GDPD4: variants seen among roughly 807,000 people sequenced by gnomAD.
The protein encoded by GDPD4 is glycerophosphodiester phosphodiesterase 6.
Under a neutral mutation model 67.8 loss-of-function variants are expected in GDPD4, and 60 were observed. The observed-to-expected ratio is 0.88, with a 90% CI of 0.72 to 1.10. The LOEUF (loss-of-function observed/expected upper bound fraction) is 1.10. Ranked by LOEUF, GDPD4 falls within the 50% of genes least tolerant of loss-of-function variation. The probability of loss-of-function intolerance (pLI) is 0.00; values close to 1 mark genes in which losing one functional copy is unlikely to be tolerated. For missense variants in GDPD4, 623 were observed against 613.9 expected (o/e 1.01, Z -0.16); for synonymous variants, 212 against 210.9 (o/e 1.00, Z -0.04).
intron 14 of GDPD4, among the ~76,000 whole-genome samples, chr11:77,231,545 G>A (rs1316020034): frequency 6.6e-6 from 1 of 152,062 alleles, no homozygotes; most frequent in Non-Finnish European, 1.5e-5. Flanking sequence ...GACTAGGTGT[G>A]GAAGGAAGAT....
intron 4 of GDPD4, among the ~76,000 whole-genome samples, chr11:77,277,461 G>A (rs1030404886): frequency 3.1e-5 from 4 of 127,308 alleles, no homozygotes; most frequent in African/African-American, 5.8e-5. Context: ...AGTGCAGTGT[G>A]GCTCGATCTC....
At position 77,292,026 on chromosome 11, in the gene GDPD4, CA is replaced by C. The variant is rs577830456; in HGVS notation, c.-253-4607del. Among the ~76,000 whole-genome samples, 294 of 150,014 alleles carry C rather than the reference CA, an allele frequency of 2.0e-3. 1 individual carries two copies. Among genetic ancestry groups the C allele is most frequent in the African/African-American group, 6.7e-3 (273 of 40,910 alleles). On this transcript the variant is annotated intron_variant, in intron 1 of 16. Coordinates refer to ENST00000315938, the MANE Select transcript of GDPD4 (RefSeq NM_182833.3). ...GCCTGGGCAACAAGAGTGAAAGTCT[CA>C]AAAAAAAATTATTATTATTATTATT...
rs190273064 is a variant in GDPD4, at chr11:77,285,423, C to G, written c.-50-236G>C. Among the ~76,000 whole-genome samples the G allele has an allele frequency of 1.9e-4, 29 of 152,282 alleles. No individual in the cohort carries two copies. The East Asian group carries it at 5.2e-3, about 27-fold the overall frequency. On this transcript the variant is annotated intron_variant, in intron 2 of 16. Coordinates refer to ENST00000315938, the MANE Select transcript of GDPD4 (RefSeq NM_182833.3). ...TGTTTTATCTGATGCTACACTGTTT[C>G]TTCTTTGAGGAAAAGGAACGTCTCT...
chr11:77,263,716 C>G (rs1014911797), intron 10 of GDPD4, among the ~76,000 whole-genome samples: 2 of 152,056 alleles, frequency 1.3e-5, no homozygotes, highest in African/African-American at 4.8e-5. Context: ...TTCCTTTTGT[C>G]TCAGGTTCTC....
chr11:77,237,878 G>A (rs375696211), intron 13 of GDPD4, among the ~76,000 whole-genome samples: 46 of 152,160 alleles, frequency 3.0e-4, no homozygotes, highest in African/African-American at 9.9e-4. Flanking sequence ...CCGAGATCAC[G>A]CCACTGCACT....
chr11:77,243,676 G>T lies in GDPD4; in HGVS notation c.1241+18C>A, dbSNP rs1248205344. ...AGTAAGGCAATATGTGCCAAGAGAG[G>T]TGTGGTCAAACACTTACCTTAACCC... On this transcript the variant is annotated intron_variant, in intron 13 of 16. Coordinates refer to ENST00000315938, the MANE Select transcript of GDPD4 (RefSeq NM_182833.3). 4 of 1,599,104 alleles carry T rather than the reference G, an allele frequency of 2.5e-6. No individual in the cohort carries two copies. The highest frequency in any genetic ancestry group is 1.3e-5 in the African/African-American group (1 of 74,594).
intron 5 of GDPD4, among the ~76,000 whole-genome samples, chr11:77,271,701 CT>C (rs1361267651): frequency 6.6e-6 from 1 of 152,208 alleles, no homozygotes; most frequent in Non-Finnish European, 1.5e-5. Context: ...TGCTTGGTAT[CT>C]CTTACTCAGA....
intron 13 of GDPD4, among the ~76,000 whole-genome samples, chr11:77,235,009 G>GATTTTTTTTTTTTTT (rs1958524240): frequency 1.9e-5 from 1 of 52,254 alleles, no homozygotes; most frequent in Admixed American, 2.7e-4. Flanking sequence ...GTCAATATCT[G>GATTTTTTTTTTTTTT]TTTTTTTTTT....
intron 11 of GDPD4, among the ~76,000 whole-genome samples, chr11:77,257,247 T>TA (rs1959019121): frequency 6.6e-6 from 1 of 152,204 alleles, no homozygotes; most frequent in African/African-American, 2.4e-5. Flanking sequence ...CAAATGAGTA[T>TA]AGCTGATTGG....
rs949932488 is a variant in GDPD4 at position 77,283,300 on chromosome 11, G to A, written c.53+1785C>T. On this transcript the variant is annotated intron_variant, in intron 3 of 16. Transcript: ENST00000315938. ...GGGACCAGTGCTTGACTGAGGCACTGTCTAATGAAAGTAATATGACCAGAG... is the reference window on the plus strand; with the variant it reads ...GGGACCAGTGCTTGACTGAGGCACTATCTAATGAAAGTAATATGACCAGAG... 8.5e-5 allele frequency among the ~76,000 whole-genome samples: 13 copies of A among 152,308 alleles called. No individual in the cohort carries two copies. The South Asian group carries it at 2.1e-3, about 24-fold the overall frequency.
At chr11:77,277,059 G>A (rs1368325407) in intron 4 of GDPD4, among the ~76,000 whole-genome samples, 1 of 152,010 alleles carries the variant, frequency 6.6e-6, no homozygotes, top group Non-Finnish European at 1.5e-5. Context: ...AAGAAGTAGG[G>A]TAGAGTAGAA....
chr11:77,244,168 A>G (rs1591541658), intron 12 of GDPD4, among the ~76,000 whole-genome samples: 3 of 152,238 alleles, frequency 2.0e-5, no homozygotes, highest in Admixed American at 2.0e-4. Flanking sequence ...GGCGCCCGCT[A>G]CCACACCCGG....
intron 10 of GDPD4, among the ~76,000 whole-genome samples, chr11:77,265,812 G>A (rs1022829588): frequency 7.2e-5 from 11 of 152,106 alleles, no homozygotes; most frequent in African/African-American, 2.7e-4. Context: ...TAAAGTGGGA[G>A]CCACTTCTCT....
At chr11:77,285,024 C>G in intron 3 of GDPD4, 61 bp downstream of exon 3, 1 of 1,170,114 alleles carries the variant, frequency 8.5e-7, no homozygotes, top group East Asian at 2.3e-5. Flanking sequence ...GAGGTAGAAT[C>G]CAGGTGGCTA....
chr11:77,227,735 T>TCC (rs1958370605), intron 16 of GDPD4, 129 bp downstream of exon 16: 3 of 426,494 alleles, frequency 7.0e-6, no homozygotes, highest in Non-Finnish European at 1.4e-5. Context: ...CCCTGGTCCC[T>TCC]CCCCCAACCC....
intron 7 of GDPD4, among the ~76,000 whole-genome samples, chr11:77,270,410 T>C (rs774396195): frequency 7.9e-5 from 12 of 152,208 alleles, no homozygotes; most frequent in Non-Finnish European, 1.6e-4. Context: ...TCTCTGGACC[T>C]AGTATTAGTT....
intron 11 of GDPD4, among the ~76,000 whole-genome samples, chr11:77,250,625 T>C (rs1291496007): frequency 6.6e-6 from 1 of 152,170 alleles, no homozygotes; most frequent in African/African-American, 2.4e-5. Flanking sequence ...ATGAAGAGAA[T>C]GTGTATTCCA....
chr11:77,222,867 C>CCAAT (rs1419455605), intron 16 of GDPD4, among the ~76,000 whole-genome samples: 2 of 152,206 alleles, frequency 1.3e-5, no homozygotes, highest in Non-Finnish European at 2.9e-5. Context: ...TTCAGGTACA[C>CCAAT]CAATCAAATG....
chr11:77,254,750 T>A (rs1469474258), intron 11 of GDPD4, among the ~76,000 whole-genome samples: 1 of 152,218 alleles, frequency 6.6e-6, no homozygotes, highest in African/African-American at 2.4e-5. Flanking sequence ...ACTCCCAGAA[T>A]GTCTGTATCT....
Sources: gnomAD v4.1 joint callset for allele counts (sites outside exome capture counted in the v4.1 genomes callset) on GRCh38, gnomAD v4.1.1 for gene constraint, MANE v1.5 for transcripts, NCBI Gene and HGNC (gene_info 2026-07-23, HGNC 2026-07-21) for gene names.